The following CTNNA2 variants were observed in gnomAD, a reference collection of about 807,000 sequenced individuals.
CTNNA2 encodes catenin alpha-2.
CTNNA2 carries 42 observed loss-of-function variants against 101.0 expected under a neutral mutation model. The ratio of observed to expected loss-of-function variants is 0.42; its 90% CI spans 0.32 to 0.54. The LOEUF (loss-of-function observed/expected upper bound fraction) is 0.54, where lower values mean the gene tolerates loss of function less well. CTNNA2 is among the 20% of genes least tolerant of loss of function. CTNNA2 has a pLI of 0.14. For synonymous variants in CTNNA2, 450 were observed against 456.4 expected (o/e 0.99, Z 0.18); for missense variants, 871 against 1,223.1 (o/e 0.71, Z 4.29).
intron 4 of CTNNA2, among the ~76,000 whole-genome samples, chr2:79,421,509 T>A (rs560605186): frequency 6.6e-6 from 1 of 152,056 alleles, no homozygotes. Context: ...AAACCATGAG[T>A]TTTTGGTTTT....
chr2:79,655,571 G>A (rs1208814656), intron 2 of CTNNA2, among the ~76,000 whole-genome samples: 1 of 152,150 alleles, frequency 6.6e-6, no homozygotes, highest in East Asian at 1.9e-4. Flanking sequence ...GCTCATGCCT[G>A]TAATCCCAGC....
chr2:79,913,146 A>G (rs1685927339), intron 7 of CTNNA2, among the ~76,000 whole-genome samples: 1 of 152,226 alleles, frequency 6.6e-6, no homozygotes, highest in Non-Finnish European at 1.5e-5. Context: ...GAGTCACTTC[A>G]GATAGTGATA....
In CTNNA2 at chr2:80,303,513, A is replaced by G; in HGVS notation, c.1057-89698A>G. 1 of 1,614,196 alleles carries G rather than the reference A, an allele frequency of 6.2e-7. No individual in the cohort carries two copies. The highest frequency in any genetic ancestry group is 8.5e-7 in the Non-Finnish European group (1 of 1,180,046). On this transcript the variant is annotated intron_variant, in intron 7 of 18. Coordinates refer to ENST00000402739, the MANE Select transcript of CTNNA2 (RefSeq NM_001282597.3). This position sits in a 1 kb window ranked among gnomAD's most constrained non-coding sequence, Gnocchi z 7.7. ...TTCTGAAAGGCGTCCCCCTGCACGG[A>G]GCAGATGTGATTGTGATCCAGATAG...
At chr2:79,504,906 G>T (rs1425101147) in intron 4 of CTNNA2, 3 of 152,156 alleles carry the variant, frequency 2.0e-5, no homozygotes, top group African/African-American at 7.2e-5. Flanking sequence ...TAATTCTATG[G>T]TTGGGGAATC....
intron 7 of CTNNA2, among the ~76,000 whole-genome samples, chr2:80,326,452 ATGT>A (rs1246114362): frequency 6.6e-6 from 1 of 152,088 alleles, no homozygotes; most frequent in Non-Finnish European, 1.5e-5. Context: ...TACTTAGAAG[ATGT>A]TGTCCTCTGC....
At chr2:80,423,516 A>T (rs1286643717) in intron 9 of CTNNA2, among the ~76,000 whole-genome samples, 1 of 152,158 alleles carries the variant, frequency 6.6e-6, no homozygotes, top group East Asian at 1.9e-4. Flanking sequence ...TCCTTTAAAA[A>T]AATATTAATC....
In CTNNA2 at chr2:80,627,198, G is replaced by A. The variant is rs146460249; in HGVS notation, c.2574+7970G>A. Among the ~76,000 whole-genome samples the A allele has an allele frequency of 7.2e-3, 1,093 of 152,166 alleles. 14 individuals are homozygous for A. Among genetic ancestry groups the A allele is most frequent in the African/African-American group, 0.025 (1,031 of 41,520 alleles). ...ATACGTGTGTGTGTGTGTCTTTATAGTAAAATGATTTATAATCCTTTGGGC... is the reference window on the plus strand; with the variant it reads ...ATACGTGTGTGTGTGTGTCTTTATAATAAAATGATTTATAATCCTTTGGGC... On this transcript the variant is annotated intron_variant, in intron 18 of 18. Transcript: ENST00000402739.
At chr2:80,515,537 TA>T (rs1360157127) in intron 9 of CTNNA2, among the ~76,000 whole-genome samples, 2 of 152,248 alleles carry the variant, frequency 1.3e-5, no homozygotes, top group Non-Finnish European at 2.9e-5. Flanking sequence ...TTTATTTTGC[TA>T]GAAATTGATT....
rs186965122 is a variant in CTNNA2 at position 79,387,028 on chromosome 2, A to G, written c.-135+13015A>G. Among the ~76,000 whole-genome samples the G allele has an allele frequency of 4.6e-3, 705 of 152,338 alleles. 7 individuals are homozygous for G. Among genetic ancestry groups the G allele is most frequent in the South Asian group, 0.011 (53 of 4,830 alleles). On this transcript the variant is annotated intron_variant, in intron 4 of 21. Transcript: ENST00000466387. Reference sequence around the variant, plus strand: ...GAGTCAGAAATCCAGCTGCTGTACTATCACAGCCACCCTTATAAGTTGTCT... The same window carrying G: ...GAGTCAGAAATCCAGCTGCTGTACTGTCACAGCCACCCTTATAAGTTGTCT...
chr2:80,263,136 G>A (rs1672744456), intron 7 of CTNNA2, among the ~76,000 whole-genome samples: 1 of 151,964 alleles, frequency 6.6e-6, no homozygotes, highest in Non-Finnish European at 1.5e-5. Context: ...TGCTTAACTG[G>A]GTTTTTGGTC....
At chr2:79,420,362 G>A (rs1678528659) in intron 4 of CTNNA2, among the ~76,000 whole-genome samples, 1 of 152,014 alleles carries the variant, frequency 6.6e-6, no homozygotes, top group Non-Finnish European at 1.5e-5. Flanking sequence ...AAATATAATT[G>A]TGCAAAATCC....
At position 80,070,279 on chromosome 2, in the gene CTNNA2, A is replaced by G. The variant is rs1167048264; in HGVS notation, c.1056+160482A>G. Among the ~76,000 whole-genome samples the G allele has an allele frequency of 5.9e-5, 9 of 152,214 alleles. 1 individual carries two copies. The highest frequency in any genetic ancestry group is 2.2e-4 in the African/African-American group (9 of 41,458). The stretch of plus-strand genomic sequence containing the variant: ...AGCGGGATGATGCCCAGGAAGAAAT[A>G]CTACCTGGATGGTTTCCAAAAATGT... On this transcript the variant is annotated intron_variant, in intron 7 of 18. Transcript: ENST00000402739.
At chr2:79,867,402 T>C (rs1275571108) in intron 4 of CTNNA2, among the ~76,000 whole-genome samples, 2 of 152,074 alleles carry the variant, frequency 1.3e-5, no homozygotes, top group African/African-American at 4.8e-5. Context: ...ATCTATCCTA[T>C]CCATCCATCC....
intron 7 of CTNNA2, among the ~76,000 whole-genome samples, chr2:80,248,271 G>C (rs1393237554): frequency 6.6e-6 from 1 of 152,118 alleles, no homozygotes; most frequent in Non-Finnish European, 1.5e-5. Flanking sequence ...TTTAGACTTA[G>C]TCTGAAGTGC....
intron 7 of CTNNA2, among the ~76,000 whole-genome samples, chr2:80,044,665 A>G (rs1696396686): frequency 6.6e-6 from 1 of 152,048 alleles, no homozygotes; most frequent in Non-Finnish European, 1.5e-5. Flanking sequence ...CACATCCTTC[A>G]TTATGGAACT....
intron 2 of CTNNA2, among the ~76,000 whole-genome samples, chr2:79,288,502 G>T (rs1272066756): frequency 2.6e-5 from 4 of 152,102 alleles, no homozygotes; most frequent in African/African-American, 9.7e-5. Flanking sequence ...TGACTGAGTT[G>T]GACATCCAAG....
intron 7 of CTNNA2, among the ~76,000 whole-genome samples, chr2:80,092,891 C>A (rs1194497317): frequency 6.6e-6 from 1 of 151,940 alleles, no homozygotes; most frequent in Non-Finnish European, 1.5e-5. Flanking sequence ...AAACTCAAAT[C>A]TTCATTTAAT....
intron 1 of CTNNA2, among the ~76,000 whole-genome samples, chr2:79,565,186 C>G (rs556082343): frequency 6.6e-6 from 1 of 151,010 alleles, no homozygotes; most frequent in African/African-American, 2.4e-5. Flanking sequence ...GTCACACGAT[C>G]ATGAAATATT....
At chr2:80,184,566 A>G (rs1016915989) in intron 7 of CTNNA2, among the ~76,000 whole-genome samples, 4 of 152,178 alleles carry the variant, frequency 2.6e-5, no homozygotes, top group African/African-American at 9.6e-5. Flanking sequence ...TTTCATACCA[A>G]GACTTAAACT....
Sources: allele counts gnomAD v4.1 joint callset (sites outside exome capture counted in the v4.1 genomes callset), GRCh38; gene constraint gnomAD v4.1.1; non-coding constraint Gnocchi (gnomAD v3.1); transcripts MANE v1.5; gene names NCBI Gene and HGNC (gene_info 2026-07-23, HGNC 2026-07-21).